The following CDHR3 variants were observed in gnomAD, a reference collection of about 807,000 sequenced individuals.
CDHR3 encodes the protein cadherin-related family member 3.
A neutral mutation model predicts 86.6 loss-of-function variants in CDHR3; 79 were observed. The ratio of observed to expected loss-of-function variants is 0.91; its 90% confidence interval spans 0.76 to 1.10. CDHR3 has a LOEUF of 1.10. Ranked by LOEUF, CDHR3 falls within the 50% of genes least tolerant of loss-of-function variation. The pLI is 0.00. For missense variants in CDHR3, 1,081 were observed against 1,077.6 expected (o/e 1.00, Z -0.04); for synonymous variants, 421 against 402.4 (o/e 1.05, Z -0.55).
At chr7:105,971,449 C>T (rs1214058257) in intron 1 of CDHR3, among the ~76,000 whole-genome samples, 1 of 152,192 alleles carries the variant, frequency 6.6e-6, no homozygotes, top group African/African-American at 2.4e-5. Flanking sequence ...ATATCTCTCA[C>T]TGCCATTCAA....
chr7:105,980,607 AT>A (rs35517726), intron 2 of CDHR3, among the ~76,000 whole-genome samples: 16,425 of 98,112 alleles, frequency 0.17, 1,581 homozygotes, highest in African/African-American at 0.23. Context: ...TTTTTTTTTA[AT>A]TTTTTTTTTT....
intron 1 of CDHR3, among the ~76,000 whole-genome samples, chr7:105,966,239 A>G (rs189677583): frequency 6.6e-6 from 1 of 152,078 alleles, no homozygotes; most frequent in Non-Finnish European, 1.5e-5. Context: ...GAAGCTGTCT[A>G]TGTTTTGAAG....
In CDHR3 at chr7:105,997,892, G is replaced by A. The variant is rs1406165425; in HGVS notation, c.713+1538G>A. Among the ~76,000 whole-genome samples, 4 of 151,996 alleles carry A rather than the reference G, an allele frequency of 2.6e-5. No individual in the cohort carries two copies. The East Asian group carries it at 7.7e-4, about 29-fold the overall frequency. On this transcript the variant is annotated intron_variant, in intron 6 of 18. Coordinates refer to ENST00000317716, the MANE Select transcript of CDHR3 (RefSeq NM_152750.5). ...GGTTCTCATTTTAGGTTTGAAAGAG[G>A]AACATATTGGGCTCCATCCCCAAGC...
chr7:105,981,211 AAAGT>A, intron 3 of CDHR3, 78 bp downstream of exon 3: 1 of 1,412,616 alleles, frequency 7.1e-7, no homozygotes. Context: ...AGAAACAGAA[AAAGT>A]AAATAAACAA....
At chr7:106,025,155 T>C (rs1837169726) in intron 15 of CDHR3, among the ~76,000 whole-genome samples, 1 of 152,156 alleles carries the variant, frequency 6.6e-6, no homozygotes, top group South Asian at 2.1e-4. Flanking sequence ...GATGTGTCTT[T>C]TACTGGCTAA....
At chr7:106,003,017 C>T (rs1833432216) in intron 7 of CDHR3, among the ~76,000 whole-genome samples, 1 of 151,516 alleles carries the variant, frequency 6.6e-6, no homozygotes, top group African/African-American at 2.4e-5. Flanking sequence ...ACCTATAGTC[C>T]CAGCTACTCA....
chr7:105,992,670 T>C (rs1831541306), intron 4 of CDHR3, among the ~76,000 whole-genome samples: 1 of 152,204 alleles, frequency 6.6e-6, no homozygotes, highest in Non-Finnish European at 1.5e-5. Flanking sequence ...AACCAGGCTA[T>C]AAAATAAGAC....
intron 2 of CDHR3, among the ~76,000 whole-genome samples, chr7:105,980,623 A>C (rs200176469): frequency 9.2e-6 from 1 of 108,156 alleles, no homozygotes; most frequent in African/African-American, 3.8e-5. Context: ...TTTTTTTTTA[A>C]TTTTTTTTTT....
chr7:105,976,524 A>C (rs115050356), intron 2 of CDHR3, among the ~76,000 whole-genome samples: 1 of 152,222 alleles, frequency 6.6e-6, no homozygotes, highest in African/African-American at 2.4e-5. Context: ...GTATATTCAC[A>C]GTCATGCAAG....
chr7:105,970,633 C>T (rs1175381944), intron 1 of CDHR3, among the ~76,000 whole-genome samples: 1 of 152,152 alleles, frequency 6.6e-6, no homozygotes, highest in African/African-American at 2.4e-5. Flanking sequence ...CTTCCCTCTG[C>T]CATTGACCAG....
chr7:106,026,641 A>G, intron 15 of CDHR3, 41 bp from the exon 16 acceptor site: 1 of 1,610,546 alleles, frequency 6.2e-7, no homozygotes, highest in Middle Eastern at 1.7e-4. Flanking sequence ...AGTGCAGCAT[A>G]CTTTCAAGTG....
At chr7:105,988,796 C>G (rs562552952) in intron 4 of CDHR3, among the ~76,000 whole-genome samples, 1 of 152,266 alleles carries the variant, frequency 6.6e-6, no homozygotes, top group South Asian at 2.1e-4. Flanking sequence ...CTAGTAGCCA[C>G]ATTGAAAGTA....
chr7:105,988,938 T>C (rs1014030537), intron 4 of CDHR3, among the ~76,000 whole-genome samples: 4 of 152,210 alleles, frequency 2.6e-5, no homozygotes, highest in Non-Finnish European at 5.9e-5. Flanking sequence ...CCAAACTCAG[T>C]GTGCATTTTA....
At chr7:106,005,017 C>T (rs1389063685) in intron 8 of CDHR3, among the ~76,000 whole-genome samples, 1 of 152,214 alleles carries the variant, frequency 6.6e-6, no homozygotes, top group Non-Finnish European at 1.5e-5. Flanking sequence ...TGGACTGTGC[C>T]TGTTCTTTGT....
At chr7:105,993,596 A>G (rs1197723817) in intron 4 of CDHR3, among the ~76,000 whole-genome samples, 1 of 141,104 alleles carries the variant, frequency 7.1e-6, no homozygotes, top group African/African-American at 2.6e-5. Context: ...GTATCACTTG[A>G]GCCCGGGAGG....
chr7:106,001,415 T>C (rs1051259381), intron 6 of CDHR3, 47 bp from the exon 7 acceptor site: 2 of 1,608,200 alleles, frequency 1.2e-6, no homozygotes, highest in African/African-American at 2.7e-5. Context: ...GATGCTACCT[T>C]CCCGTGCCCC....
Position 106,034,253 on chromosome 7 carries a change from C to T in CDHR3, c.*1556C>T, listed in dbSNP as rs761256706. 1.3e-5 allele frequency among the ~76,000 whole-genome samples: 2 copies of T among 152,224 alleles called. No homozygotes were observed. The highest frequency in any genetic ancestry group is 2.4e-5 in the African/African-American group (1 of 41,446). ...GTGTGCCTAGCAGAGCCTGAGCAAG[C>T]TTCACTCGAGCTCTATGCCCTGCTG... On this transcript the variant is annotated 3_prime_UTR_variant, in exon 19 of 19. Transcript: ENST00000317716.
intron 4 of CDHR3, among the ~76,000 whole-genome samples, chr7:105,991,096 G>T (rs554094181): frequency 6.6e-6 from 1 of 152,160 alleles, no homozygotes; most frequent in African/African-American, 2.4e-5. Context: ...TGATTACTCA[G>T]GACTTTTCTT....
chr7:106,028,333 G>T, intron 16 of CDHR3: 1 of 580,056 alleles, frequency 1.7e-6, no homozygotes, highest in Non-Finnish European at 3.1e-6. Context: ...TAAATTGTTC[G>T]TATGTTATTG....
Sources: allele counts gnomAD v4.1 joint callset (sites outside exome capture counted in the v4.1 genomes callset), GRCh38; gene constraint gnomAD v4.1.1; transcripts MANE v1.5; gene names NCBI Gene and HGNC (gene_info 2026-07-23, HGNC 2026-07-21).